Variants in FYB2 observed in about 807,000 individuals in gnomAD.
FYB2 encodes the protein FYN-binding protein 2.
A neutral mutation model predicts 94.1 loss-of-function variants in FYB2; 103 were observed. The observed-to-expected ratio is 1.09, with a 90% confidence interval of 0.93 to 1.29. The LOEUF (loss-of-function observed/expected upper bound fraction) is 1.29, where lower values mean the gene tolerates loss of function less well. Ranked by LOEUF, FYB2 falls within the 50% of genes most tolerant of loss-of-function variation. The pLI, the probability that FYB2 is intolerant of heterozygous loss-of-function variation, is 0.00. For missense variants in FYB2, 896 were observed against 841.5 expected (o/e 1.06, Z -0.80); for synonymous variants, 293 against 287.9 (o/e 1.02, Z -0.18).
At chr1:56,776,736 G>C (rs957719804) in intron 4 of FYB2, among the ~76,000 whole-genome samples, 1 of 152,122 alleles carries the variant, frequency 6.6e-6, no homozygotes. Context: ...TAGGAGCCTG[G>C]TCTCCTGACT....
chr1:56,759,318 A>ATG (rs1464776455), intron 5 of FYB2, among the ~76,000 whole-genome samples: 6 of 152,160 alleles, frequency 3.9e-5, no homozygotes, highest in African/African-American at 1.4e-4. Context: ...CTGTTCTGAG[A>ATG]AATGCATCCT....
At chr1:56,761,496 G>A (rs974762503) in intron 5 of FYB2, among the ~76,000 whole-genome samples, 3 of 152,080 alleles carry the variant, frequency 2.0e-5, no homozygotes, top group South Asian at 2.1e-4. Flanking sequence ...AGGTATCTGC[G>A]AGAGTCTCCA....
At chr1:56,775,706 T>G (rs1645859944) in intron 4 of FYB2, among the ~76,000 whole-genome samples, 1 of 152,172 alleles carries the variant, frequency 6.6e-6, no homozygotes. Flanking sequence ...GGGGATGTAC[T>G]GGTTGAAGTC....
intron 3 of FYB2, among the ~76,000 whole-genome samples, chr1:56,787,522 G>A (rs1210465766): frequency 2.0e-5 from 3 of 152,228 alleles, no homozygotes; most frequent in African/African-American, 7.2e-5. Flanking sequence ...ACATGGTACA[G>A]AGATTATAGC....
chr1:56,807,205 T>C (rs1436880594), intron 1 of FYB2, among the ~76,000 whole-genome samples: 1 of 152,224 alleles, frequency 6.6e-6, no homozygotes, highest in Non-Finnish European at 1.5e-5. Flanking sequence ...ACAGTTTTAT[T>C]TAAAGTGCAA....
At chr1:56,776,872 A>G (rs1268536353) in intron 4 of FYB2, among the ~76,000 whole-genome samples, 1 of 152,150 alleles carries the variant, frequency 6.6e-6, no homozygotes, top group Non-Finnish European at 1.5e-5. Context: ...TGAATTAGAG[A>G]TATTTATCTC....
At chr1:56,739,124 A>T (rs1306537510) in intron 13 of FYB2, among the ~76,000 whole-genome samples, 1 of 152,084 alleles carries the variant, frequency 6.6e-6, no homozygotes, top group Non-Finnish European at 1.5e-5. Flanking sequence ...GGGGACAGCC[A>T]TGAAGTATTT....
At chr1:56,769,801 A>C (rs1044089206) in intron 4 of FYB2, among the ~76,000 whole-genome samples, 37 of 152,206 alleles carry the variant, frequency 2.4e-4, no homozygotes, top group African/African-American at 7.0e-4. Context: ...GAAATTGCAT[A>C]GTAAATCTTA....
chr1:56,762,457 T>A (rs1478737596), intron 5 of FYB2, among the ~76,000 whole-genome samples: 3 of 152,224 alleles, frequency 2.0e-5, no homozygotes, highest in African/African-American at 7.2e-5. Context: ...TTTGTAGGAT[T>A]TAAATATAAA....
At chr1:56,772,933 A>T (rs1570097080) in intron 4 of FYB2, among the ~76,000 whole-genome samples, 1 of 152,178 alleles carries the variant, frequency 6.6e-6, no homozygotes, top group Non-Finnish European at 1.5e-5. Context: ...TTAGTGGCAT[A>T]GCATCAGGTT....
the FYB2 span, among the ~76,000 whole-genome samples, chr1:56,825,734 C>G: frequency 6.6e-6 from 1 of 152,200 alleles, no homozygotes; most frequent in African/African-American, 2.4e-5. Context: ...TCATCCAACA[C>G]ATGTTTATTG....
At chr1:56,820,307 A>C (rs1191507112), upstream of FYB2, among the ~76,000 whole-genome samples, 1 of 151,996 alleles carries the variant, frequency 6.6e-6, no homozygotes, top group Non-Finnish European at 1.5e-5. Flanking sequence ...AGTAACTAGA[A>C]GAGCCAGGGT....
chr1:56,817,926 T>C (rs1646920131), intron 1 of FYB2, among the ~76,000 whole-genome samples: 1 of 152,242 alleles, frequency 6.6e-6, no homozygotes, highest in Non-Finnish European at 1.5e-5. Context: ...CCAGCTCTGC[T>C]GCCAGTGGTA....
At chr1:56,758,558 A>G (rs556715778) in intron 6 of FYB2, among the ~76,000 whole-genome samples, 158 bp downstream of exon 6, 1 of 152,158 alleles carries the variant, frequency 6.6e-6, no homozygotes, top group Non-Finnish European at 1.5e-5. Context: ...ACAGGGCTCA[A>G]AGTGCAGACT....
Position 56,787,161 on chromosome 1 carries a change from G to T in FYB2, c.953+14C>A. On this transcript the variant is annotated intron_variant, in intron 4 of 19. Coordinates refer to ENST00000343433, the MANE Select transcript of FYB2 (RefSeq NM_001004303.5). ...TGGGCTACGTTCCTACACAACTAAG[G>T]AGCATGTACTTACCTCTCTGGAGAC... The T allele has an allele frequency of 6.2e-7, 1 of 1,613,816 alleles. No homozygotes were observed. The highest frequency in any genetic ancestry group is 1.1e-5 in the South Asian group (1 of 91,068).
intron 1 of FYB2, among the ~76,000 whole-genome samples, chr1:56,803,639 G>A (rs1646571653): frequency 6.6e-6 from 1 of 152,122 alleles, no homozygotes; most frequent in Non-Finnish European, 1.5e-5. Context: ...AAATAATATA[G>A]TGTTTCACAA....
chr1:56,812,546 G>A (rs1241906094), intron 1 of FYB2, among the ~76,000 whole-genome samples: 2 of 152,086 alleles, frequency 1.3e-5, no homozygotes, highest in Non-Finnish European at 2.9e-5. Flanking sequence ...CACTTTATTT[G>A]TAACTTCTCT....
chr1:56,748,215 T>C (rs899463043), intron 9 of FYB2, among the ~76,000 whole-genome samples: 27 of 152,156 alleles, frequency 1.8e-4, no homozygotes, highest in African/African-American at 6.5e-4. Flanking sequence ...ACTCTGATGA[T>C]AGTTGCTTTT....
At chr1:56,752,327 G>T (rs2100696647) in intron 8 of FYB2, among the ~76,000 whole-genome samples, 1 of 152,124 alleles carries the variant, frequency 6.6e-6, no homozygotes, top group South Asian at 2.1e-4. Context: ...TGGAGAGAGA[G>T]AAAATTAGAG....
Sources: gnomAD v4.1 joint callset for allele counts (sites outside exome capture counted in the v4.1 genomes callset) on GRCh38, gnomAD v4.1.1 for gene constraint, MANE v1.5 for transcripts, NCBI Gene and HGNC (gene_info 2026-07-23, HGNC 2026-07-21) for gene names.